TRPV2: variants seen among roughly 807,000 people sequenced by gnomAD.
TRPV2 encodes the protein transient receptor potential cation channel subfamily V member 2.
A neutral mutation model predicts 91.0 loss-of-function variants in TRPV2; 58 were observed. The ratio of observed to expected loss-of-function variants is 0.64; its 90% confidence interval spans 0.52 to 0.79. The LOEUF is 0.79. Among genes scored for constraint, TRPV2 ranks in the 30% least tolerant of loss-of-function variants. The probability of loss-of-function intolerance (pLI) is 0.00; values close to 1 mark genes in which losing one functional copy is unlikely to be tolerated. For missense variants in TRPV2, 807 were observed against 969.6 expected, an observed-to-expected ratio of 0.83 and a Z score of 2.23; for synonymous variants, 417 against 414.8, an observed-to-expected ratio of 1.01 and a Z score of -0.06.
In TRPV2 at chr17:16,435,056, C is replaced by A. The variant is rs1600995601; in HGVS notation, c.2194+87C>A. On this transcript the variant is annotated intron_variant, in intron 14 of 14. Coordinates refer to ENST00000338560, the MANE Select transcript of TRPV2 (RefSeq NM_016113.5). The surrounding 1 kb of genome is among the most constrained non-coding windows in gnomAD (Gnocchi z 4.2). ...AAGCCTTGGAGAGTCTGGGGCAGGA[C>A]CCAGAGACCTCCTCATAGTCCCTTT... 2 of 1,103,094 alleles carry A rather than the reference C, an allele frequency of 1.8e-6. No homozygotes were observed. Among genetic ancestry groups the A allele is most frequent in the East Asian group, 2.8e-5 (1 of 35,934 alleles). The allele number at this position is 1,103,094 out of a possible 1,614,324, so 68.3% of individuals were successfully genotyped here.
chr17:16,421,288 C>G (rs964574699), intron 3 of TRPV2, among the ~76,000 whole-genome samples: 1 of 151,910 alleles, frequency 6.6e-6, no homozygotes, highest in African/African-American at 2.4e-5. Context: ...CAGTTCACTG[C>G]AAAACTCCAC....
At chr17:16,423,906 A>G (rs2093370345) in intron 5 of TRPV2, 139 bp downstream of exon 5, 1 of 724,622 alleles carries the variant, frequency 1.4e-6, no homozygotes, top group Admixed American at 3.2e-5. Context: ...GTTAGTAAGA[A>G]AATTTTCAGT....
chr17:16,432,805 CT>C (rs549732624), intron 12 of TRPV2, among the ~76,000 whole-genome samples: 5,832 of 135,306 alleles, frequency 0.043, 298 homozygotes, highest in African/African-American at 0.13. Context: ...TCCAGTGTTT[CT>C]TTTTTTTTTT....
chr17:16,427,699 CTTGCCTT>C, intron 8 of TRPV2, 152 bp downstream of exon 8: 1 of 707,538 alleles, frequency 1.4e-6, no homozygotes, highest in Non-Finnish European at 2.2e-6. Flanking sequence ...AGGTTCTGGC[CTTGCCTT>C]CTGAGTCCCC....
At position 16,426,059 on chromosome 17, in the gene TRPV2, G is replaced by C. The variant is rs749504193; in HGVS notation, c.925-40G>C. ...AGCCTTGGCCCAGGATCAGTGCCAG[G>C]AAGGGACCATGAATGCAAGCTCATA... On this transcript the variant is annotated intron_variant, in intron 5 of 14. Transcript: ENST00000338560. The surrounding 1 kb of genome is among the most constrained non-coding windows in gnomAD (Gnocchi z 6.0). 1 of 1,610,964 alleles carries C rather than the reference G, an allele frequency of 6.2e-7. No homozygotes were observed. The highest frequency in any genetic ancestry group is 1.7e-5 in the Admixed American group (1 of 59,964).
intron 12 of TRPV2, 126 bp from the exon 13 acceptor site, chr17:16,433,448 T>G: frequency 4.4e-6 from 6 of 1,349,170 alleles, no homozygotes; most frequent in Non-Finnish European, 6.0e-6. Flanking sequence ...CGAATCCGCG[T>G]GTTTAGTTGA....
chr17:16,423,011 G>A (rs2093365872), intron 4 of TRPV2, 122 bp downstream of exon 4: 2 of 1,220,730 alleles, frequency 1.6e-6, no homozygotes, highest in East Asian at 2.6e-5. Flanking sequence ...CCGATGCCCT[G>A]CTTCTAACCA....
Position 16,436,989 on chromosome 17 carries a change from A to C in TRPV2, c.*100A>C. ...CAGTGAATTCTGGTGGCAAATATATATTTTCACTAACTAACTCTTCTGGAA... is the reference window on the plus strand; with the variant it reads ...CAGTGAATTCTGGTGGCAAATATATCTTTTCACTAACTAACTCTTCTGGAA... On this transcript the variant is annotated 3_prime_UTR_variant, in exon 15 of 15. Transcript: ENST00000338560. 1.1e-6 allele frequency: 1 copy of C among 920,258 alleles called. No individual in the cohort carries two copies. Among genetic ancestry groups the C allele is most frequent in the Admixed American group, 2.1e-5 (1 of 47,184 alleles). The allele number at this position is 920,258 out of a possible 1,614,324, so 57.0% of individuals were successfully genotyped here.
intron 14 of TRPV2, among the ~76,000 whole-genome samples, chr17:16,436,324 C>T (rs1001157057): frequency 2.6e-5 from 4 of 152,182 alleles, no homozygotes; most frequent in Admixed American, 6.5e-5. Context: ...GAGGTCAGGG[C>T]CCAAAGCTGT....
At chr17:16,419,926 C>T (rs909052020) in intron 2 of TRPV2, among the ~76,000 whole-genome samples, 189 bp from the exon 3 acceptor site, 8 of 152,218 alleles carry the variant, frequency 5.3e-5, no homozygotes, top group African/African-American at 1.9e-4. Context: ...GGCCCCTTTT[C>T]CTCCTCCCGG....
chr17:16,427,433 C>A lies in TRPV2; in HGVS notation c.1252-16C>A. 1 of 1,612,566 alleles carries A rather than the reference C, an allele frequency of 6.2e-7. No homozygotes were observed. Among genetic ancestry groups the A allele is most frequent in the South Asian group, 1.1e-5 (1 of 90,888 alleles). ...GAGGACCCAAGGCCCTAGGTCTCAT[C>A]TGAGTGTGTCTTCAGCAGGCCGCCC... is the stretch of plus-strand genomic sequence containing the variant. On this transcript the variant is annotated splice_polypyrimidine_tract_variant and intron_variant, in intron 7 of 14. Coordinates refer to ENST00000338560, the MANE Select transcript of TRPV2 (RefSeq NM_016113.5).
At chr17:16,428,508 TG>T in intron 9 of TRPV2, 121 bp downstream of exon 9, 1 of 1,068,752 alleles carries the variant, frequency 9.4e-7, no homozygotes, top group Non-Finnish European at 1.4e-6. Context: ...AGTCGGGATC[TG>T]TGTACAGGCC....
rs8121 is a variant in TRPV2 at position 16,422,654 on chromosome 17, A to G, written c.390A>G (p.Gly130=). 0.39 allele frequency: 632,355 copies of G among 1,613,554 alleles called. 128,166 individuals carry two copies. The highest frequency in any genetic ancestry group is 0.6 in the African/African-American group (45,211 of 74,958). Residue 130 remains glycine, a synonymous_variant, in exon 4 of 15, where the codon GGA becomes GGG. Transcript: ENST00000338560. ...AGGCTGTGCTGAACCTTAAGGACGGAGTCAATGCCTGCATTCTGCCACTGC... is the reference window on the plus strand; with the variant it reads ...AGGCTGTGCTGAACCTTAAGGACGGGGTCAATGCCTGCATTCTGCCACTGC... ...LMKAVLNLKD[G]VNACILPLLQ...
chr17:16,432,636 C>T (rs2093418687), intron 12 of TRPV2, among the ~76,000 whole-genome samples: 1 of 151,896 alleles, frequency 6.6e-6, no homozygotes. Flanking sequence ...AGAAGAAGGT[C>T]TCACTATGTT....
rs931688655 is a variant in TRPV2, at chr17:16,417,800, G to C, written c.132G>C (p.Gln44His). The change falls in exon 2 of 15, where the codon CAG becomes CAC. Residue 44 changes from glutamine (Q) to histidine (H), a missense_variant. Coordinates refer to ENST00000338560, the MANE Select transcript of TRPV2 (RefSeq NM_016113.5). Reference sequence around the variant, plus strand: ...TGCCTCCCATGGAGTCACAGTTCCAGGGCGAGGACCGGAAATTCGCCCCTC... The same window carrying C: ...TGCCTCCCATGGAGTCACAGTTCCACGGCGAGGACCGGAAATTCGCCCCTC... ...SGLPPMESQF[Q>H]GEDRKFAPQI... 1 of 1,614,220 alleles carries C rather than the reference G, an allele frequency of 6.2e-7. No individual in the cohort carries two copies. Among genetic ancestry groups the C allele is most frequent in the Non-Finnish European group, 8.5e-7 (1 of 1,180,036 alleles).
In TRPV2 at chr17:16,420,251, A is replaced by G; in HGVS notation, c.334+3A>G. On this transcript the variant is annotated splice_donor_region_variant and intron_variant, in intron 3 of 14. Transcript: ENST00000338560. ...CCTCACCGACTCGGAATACACAGGTAGACCCTGCCCTGTGGATCCAAGGCT... is the reference window on the plus strand; with the variant it reads ...CCTCACCGACTCGGAATACACAGGTGGACCCTGCCCTGTGGATCCAAGGCT... The G allele has an allele frequency of 6.2e-7, 1 of 1,611,794 alleles. No homozygotes were observed. Among genetic ancestry groups the G allele is most frequent in the Non-Finnish European group, 8.5e-7 (1 of 1,178,186 alleles).
intron 5 of TRPV2, among the ~76,000 whole-genome samples, chr17:16,425,207 A>G (rs2093377571): frequency 6.6e-6 from 1 of 151,862 alleles, no homozygotes; most frequent in Admixed American, 6.6e-5. Context: ...TATTTTTAGT[A>G]GAGACGGGGT....
At chr17:16,424,013 GTGTTTCGCTCT>G (rs2093370945) in intron 5 of TRPV2, among the ~76,000 whole-genome samples, 1 of 151,990 alleles carries the variant, frequency 6.6e-6, no homozygotes, top group Non-Finnish European at 1.5e-5. Flanking sequence ...TTTTGAGACG[GTGTTTCGCTCT>G]TGTTGCCCAG....
At chr17:16,422,138 C>T (rs2093360552) in intron 3 of TRPV2, among the ~76,000 whole-genome samples, 1 of 151,534 alleles carries the variant, frequency 6.6e-6, no homozygotes, top group Admixed American at 6.6e-5. Context: ...CCCGTCTCTG[C>T]TGAAAACAAA....
Sources: allele counts gnomAD v4.1 joint callset (sites outside exome capture counted in the v4.1 genomes callset), GRCh38; gene constraint gnomAD v4.1.1; non-coding constraint Gnocchi (gnomAD v3.1); transcripts MANE v1.5; gene names NCBI Gene and HGNC (gene_info 2026-07-23, HGNC 2026-07-21).